CPEB3: variants seen among roughly 807,000 people sequenced by gnomAD.
CPEB3 encodes cytoplasmic polyadenylation element binding protein 3.
CPEB3 carries 20 observed loss-of-function variants against 67.2 expected under a neutral mutation model. The ratio of observed to expected loss-of-function variants is 0.30; its 90% CI spans 0.21 to 0.43. CPEB3 has a LOEUF of 0.43. Among genes scored for constraint, CPEB3 ranks in the 20% least tolerant of loss-of-function variants. The pLI, the probability that CPEB3 is intolerant of heterozygous loss-of-function variation, is 1.00. For missense variants in CPEB3, 746 were observed against 968.6 expected (o/e 0.77, Z 3.05); for synonymous variants, 376 against 393.1 (o/e 0.96, Z 0.51).
intron 3 of CPEB3, among the ~76,000 whole-genome samples, chr10:92,190,009 T>G (rs1440051727): frequency 6.6e-6 from 1 of 151,258 alleles, no homozygotes; most frequent in Non-Finnish European, 1.5e-5. Context: ...CCAGGCAGGG[T>G]GGCACAGGCC....
chr10:92,223,658 C>A (rs544983842), intron 2 of CPEB3, among the ~76,000 whole-genome samples: 2 of 149,360 alleles, frequency 1.3e-5, no homozygotes, highest in South Asian at 4.3e-4. Context: ...ACCGCAACCT[C>A]CGCCTTCTGG....
intron 2 of CPEB3, among the ~76,000 whole-genome samples, chr10:92,233,793 T>C (rs1200108495): frequency 6.6e-6 from 1 of 152,022 alleles, no homozygotes; most frequent in Non-Finnish European, 1.5e-5. Context: ...TGCAATCACC[T>C]TTAACTTGGG....
At chr10:92,081,268 G>A in intron 9 of CPEB3, 52 bp downstream of exon 9, 1 of 1,602,250 alleles carries the variant, frequency 6.2e-7, no homozygotes, top group Non-Finnish European at 8.5e-7. Context: ...GGAAACTACA[G>A]AACAAACTTC....
chr10:92,254,497 A>G (rs978340815), intron 1 of CPEB3, among the ~76,000 whole-genome samples: 1 of 152,160 alleles, frequency 6.6e-6, no homozygotes. Flanking sequence ...CTTAGTGGAC[A>G]ATCTGGAGAG....
chr10:92,205,299 G>A (rs187104593), intron 2 of CPEB3, among the ~76,000 whole-genome samples: 3 of 152,228 alleles, frequency 2.0e-5, no homozygotes, highest in Admixed American at 6.5e-5. Context: ...AACAAGCCTC[G>A]TAGAACTGAT....
At chr10:92,216,286 T>C in intron 2 of CPEB3, 1 of 1,533,886 alleles carries the variant, frequency 6.5e-7, no homozygotes, top group Non-Finnish European at 8.8e-7. Context: ...AAACATAAAA[T>C]TTGGCTGGGC....
intron 4 of CPEB3, among the ~76,000 whole-genome samples, chr10:92,175,751 T>G (rs2134049740): frequency 6.6e-6 from 1 of 152,326 alleles, no homozygotes; most frequent in Middle Eastern, 3.4e-3. Context: ...CTAGCTTATG[T>G]GATGACTTAC....
intron 2 of CPEB3, among the ~76,000 whole-genome samples, chr10:92,220,563 C>T (rs952074849): frequency 2.1e-5 from 3 of 143,946 alleles, no homozygotes; most frequent in Non-Finnish European, 4.5e-5. Context: ...TAAACCTACA[C>T]CTTAAACTGC....
chr10:92,063,703 G>C (rs1217767213), intron 9 of CPEB3, among the ~76,000 whole-genome samples: 1 of 151,824 alleles, frequency 6.6e-6, no homozygotes, highest in Non-Finnish European at 1.5e-5. Context: ...GGCAGAGGTT[G>C]CAGTGAGCCA....
chr10:92,136,261 C>T lies in CPEB3; in HGVS notation c.1453+6768G>A, dbSNP rs184207587. Among the ~76,000 whole-genome samples the T allele has an allele frequency of 2.6e-4, 39 of 152,122 alleles. 2 individuals carry two copies. Among genetic ancestry groups the T allele is most frequent in the African/African-American group, 9.4e-4 (39 of 41,512 alleles). On this transcript the variant is annotated intron_variant, in intron 6 of 9. Coordinates refer to ENST00000265997, the MANE Select transcript of CPEB3 (RefSeq NM_014912.5). ...AAACAAAAACACTGGGGAAAATCTC[C>T]AAGACATTGGTCTGGGCACAAAGAT...
chr10:92,115,392 T>C (rs1844968646), intron 6 of CPEB3, among the ~76,000 whole-genome samples: 1 of 152,180 alleles, frequency 6.6e-6, no homozygotes, highest in Non-Finnish European at 1.5e-5. Context: ...GACCTTGTGA[T>C]CCTTCAGCCT....
At chr10:92,185,359 A>G (rs1050042488) in intron 3 of CPEB3, among the ~76,000 whole-genome samples, 21 of 152,328 alleles carry the variant, frequency 1.4e-4, no homozygotes, top group African/African-American at 5.1e-4. Flanking sequence ...GATCTGATAA[A>G]TAGGGGTGAG....
Position 92,052,306 on chromosome 10 carries a change from G to A in CPEB3, c.2003C>T (p.Ala668Val), listed in dbSNP as rs1564739992. 6 of 1,614,088 alleles carry A rather than the reference G, an allele frequency of 3.7e-6. No homozygotes were observed. The highest frequency in any genetic ancestry group is 3.4e-6 in the Non-Finnish European group (4 of 1,180,030). ...CCGCCCGGCTCGGGAATGTATGCTCGCCCAGCAGTATTCACAGTAATACTG... is the reference window on the plus strand; with the variant it reads ...CCGCCCGGCTCGGGAATGTATGCTCACCCAGCAGTATTCACAGTAATACTG... ...CLQYYCEYCW[A>V]SIHSRAGREF... The change falls in exon 10 of 10, where the codon GCG becomes GTG. Residue 668 changes from alanine to valine, a missense_variant. By Grantham distance (64) the Ala-to-Val change is moderately conservative (BLOSUM62 0). Around this residue, in one of 2 missense-constraint regions of CPEB3, gnomAD observed 103 missense variants for 251.1 expected, o/e 0.41. Coordinates refer to ENST00000265997, the MANE Select transcript of CPEB3 (RefSeq NM_014912.5).
At position 92,048,419 on chromosome 10, in the gene CPEB3, C is replaced by A. The variant is rs374947654; in HGVS notation, c.*3793G>T. 1 of 124,614 alleles carries A rather than the reference C, an allele frequency of 8.0e-6. No homozygotes were observed. The highest frequency in any genetic ancestry group is 4.1e-5 in the African/African-American group (1 of 24,252). The allele number at this position is 124,614 out of a possible 1,614,324, so 7.7% of individuals were successfully genotyped here. A position where few individuals can be genotyped will look rare whatever the true frequency, so the allele number is the denominator to read the frequency against. ...CACACACACACACACGACATAATGA[C>A]GAGTTAGAGGGGAAAAAGCAATGAA... is the stretch of plus-strand genomic sequence containing the variant. On this transcript the variant is annotated 3_prime_UTR_variant, in exon 10 of 10. Transcript: ENST00000265997. The surrounding 1 kb of genome is among the most constrained non-coding windows in gnomAD (Gnocchi z 4.1).
chr10:92,264,817 C>T (rs918569800), intron 1 of CPEB3, among the ~76,000 whole-genome samples: 2 of 151,950 alleles, frequency 1.3e-5, no homozygotes, highest in African/African-American at 4.8e-5. Flanking sequence ...AATGGGAGGC[C>T]GAGGCAGGAC....
chr10:92,111,586 T>C (rs1362640624), intron 6 of CPEB3, among the ~76,000 whole-genome samples: 7 of 152,318 alleles, frequency 4.6e-5, no homozygotes, highest in Admixed American at 3.3e-4. Context: ...GAAAATATTA[T>C]GCTAAGTGAA....
intron 2 of CPEB3, among the ~76,000 whole-genome samples, chr10:92,219,436 T>C (rs1032790950): frequency 6.6e-6 from 1 of 152,208 alleles, no homozygotes; most frequent in Admixed American, 6.6e-5. Context: ...CCCCCTTGTA[T>C]GCTTCAACCT....
chr10:92,204,679 A>C (rs939907617), intron 2 of CPEB3, among the ~76,000 whole-genome samples: 1 of 152,190 alleles, frequency 6.6e-6, no homozygotes, highest in Admixed American at 6.6e-5. Context: ...TGGTAAAACA[A>C]AAACAAAAAA....
intron 9 of CPEB3, among the ~76,000 whole-genome samples, chr10:92,070,030 T>C (rs1842696473): frequency 6.6e-6 from 1 of 152,088 alleles, no homozygotes; most frequent in South Asian, 2.1e-4. Flanking sequence ...TGGGACACAT[T>C]TGGAAAAAAA....
Sources: allele counts gnomAD v4.1 joint callset (sites outside exome capture counted in the v4.1 genomes callset), GRCh38; gene constraint gnomAD v4.1.1; regional missense constraint gnomAD v4.1.1; non-coding constraint Gnocchi (gnomAD v3.1); transcripts MANE v1.5; gene names NCBI Gene and HGNC (gene_info 2026-07-23, HGNC 2026-07-21).